Variants in RBM6 observed in about 807,000 individuals in gnomAD.
The protein encoded by RBM6 is RNA binding motif protein 6, also known as RNA-binding protein 6.
RBM6 carries 23 observed loss-of-function variants against 140.4 expected under a neutral mutation model. The observed-to-expected ratio is 0.16, with a 90% CI of 0.12 to 0.23. The LOEUF is 0.23. Among genes scored for constraint, RBM6 ranks in the 10% least tolerant of loss-of-function variants. The pLI is 1.00. For missense variants in RBM6, 1,139 were observed against 1,386.7 expected (o/e 0.82, Z 2.84); for synonymous variants, 439 against 475.6 (o/e 0.92, Z 1.00).
intron 5 of RBM6, among the ~76,000 whole-genome samples, chr3:49,991,363 G>T (rs1312270282): frequency 6.6e-6 from 1 of 152,128 alleles, no homozygotes; most frequent in South Asian, 2.1e-4. Context: ...TTAAATCATT[G>T]ACAGTGGGTG....
chr3:49,944,986 C>T (rs929351877), intron 1 of RBM6, among the ~76,000 whole-genome samples: 2 of 151,436 alleles, frequency 1.3e-5, no homozygotes, highest in African/African-American at 2.4e-5. Flanking sequence ...TTGCCATTCT[C>T]CTGCCTCAGC....
rs9866016 is a variant in RBM6 at position 50,031,580 on chromosome 3, G to T, written c.1558-16665G>T. On this transcript the variant is annotated intron_variant, in intron 6 of 20. Transcript: ENST00000266022. ...GGAACATCACACACTGGGGCCTGTC[G>T]TGGGGTGGGGGAGGGGGGAGTGATA... Among the ~76,000 whole-genome samples, 388 of 151,462 alleles carry T rather than the reference G, an allele frequency of 2.6e-3. 1 individual carries two copies. The highest frequency in any genetic ancestry group is 9.1e-3 in the African/African-American group (377 of 41,280).
Position 50,021,740 on chromosome 3 carries a change from CTTTTTTTTTTTTTTTT to C in RBM6, c.1557+22242_1557+22257del, listed in dbSNP as rs542734328. Among the ~76,000 whole-genome samples the C allele has an allele frequency of 3.7e-4, 16 of 42,754 alleles. No individual in the cohort carries two copies. In the Admixed American group the frequency reaches 5.4e-3, roughly 15 times the overall value. 28.0% of individuals were successfully genotyped at this position (42,754 alleles called of 152,430 possible). A position where few individuals can be genotyped will look rare whatever the true frequency, so the allele number is the denominator to read the frequency against. On this transcript the variant is annotated intron_variant, in intron 6 of 20. Coordinates refer to ENST00000266022, the MANE Select transcript of RBM6 (RefSeq NM_005777.3). ...ATCTCCATACTGAGGAATTTAAGTG[CTTTTTTTTTTTTTTTT>C]TTTTTTTTTTTTTTGAGACAGAGTC...
chr3:49,984,419 CA>C (rs2085451763), intron 5 of RBM6, among the ~76,000 whole-genome samples: 1 of 152,162 alleles, frequency 6.6e-6, no homozygotes, highest in African/African-American at 2.4e-5. Flanking sequence ...CCAGCCTGGT[CA>C]ATATGGCAAA....
intron 6 of RBM6, among the ~76,000 whole-genome samples, chr3:50,005,763 C>CTGGATGCTGTTATA (rs1290590330): frequency 6.6e-6 from 1 of 152,134 alleles, no homozygotes; most frequent in Non-Finnish European, 1.5e-5. Context: ...AGCATCCTAG[C>CTGGATGCTGTTATA]CAGAGCTCAA....
At chr3:49,956,328 C>CGTTTT in intron 1 of RBM6, among the ~76,000 whole-genome samples, 1 of 72,048 alleles carries the variant, frequency 1.4e-5, no homozygotes, top group South Asian at 4.6e-4. Context: ...CCCTCCCCCG[C>CGTTTT]TTTTTTTTTT....
intron 3 of RBM6, 40 bp from the exon 4 acceptor site, chr3:49,972,019 A>G (rs772417851): frequency 1.4e-6 from 2 of 1,433,770 alleles, no homozygotes; most frequent in South Asian, 1.2e-5. Context: ...TTTGTGCAGT[A>G]AAGTATATTT....
intron 7 of RBM6, among the ~76,000 whole-genome samples, chr3:50,050,060 G>A (rs562102387): frequency 7.0e-4 from 106 of 151,898 alleles, no homozygotes; most frequent in African/African-American, 2.5e-3. Context: ...GGAGTACAGT[G>A]ATGTGATCAT....
chr3:50,064,503 GTTTTA>G (rs574410240), intron 15 of RBM6, among the ~76,000 whole-genome samples: 1 of 151,800 alleles, frequency 6.6e-6, no homozygotes, highest in African/African-American at 2.4e-5. Context: ...ATATACTAAC[GTTTTA>G]TTTTATTTTA....
intron 6 of RBM6, among the ~76,000 whole-genome samples, chr3:50,007,099 ATT>A: frequency 7.1e-6 from 1 of 141,394 alleles, no homozygotes; most frequent in East Asian, 2.0e-4. Flanking sequence ...GCCTAGGAGG[ATT>A]TTTTTTTTTC....
intron 3 of RBM6, among the ~76,000 whole-genome samples, chr3:49,971,671 G>A (rs1050585723): frequency 3.3e-5 from 5 of 152,106 alleles, no homozygotes; most frequent in Admixed American, 3.3e-4. Flanking sequence ...CTGAGTAGCT[G>A]GGACCACAGG....
At chr3:49,972,278 A>G (rs2084834073) in intron 4 of RBM6, 130 bp downstream of exon 4, 1 of 696,542 alleles carries the variant, frequency 1.4e-6, no homozygotes, top group Middle Eastern at 4.0e-4. Context: ...TTTTTTTCCC[A>G]TCTTCCCTCA....
At chr3:49,977,011 A>G (rs150507917) in intron 5 of RBM6, among the ~76,000 whole-genome samples, 85 of 152,332 alleles carry the variant, frequency 5.6e-4, no homozygotes, top group African/African-American at 1.8e-3. Context: ...TATTTATATT[A>G]CATCTCTATG....
At chr3:50,075,973 CTTT>C (rs1331876971) in intron 20 of RBM6, among the ~76,000 whole-genome samples, 1 of 143,410 alleles carries the variant, frequency 7.0e-6, no homozygotes, top group African/African-American at 2.5e-5. Flanking sequence ...AGATTCTTTT[CTTT>C]TTTTTTTTTT....
At chr3:50,042,570 CA>C (rs898489036) in intron 6 of RBM6, among the ~76,000 whole-genome samples, 2 of 151,976 alleles carry the variant, frequency 1.3e-5, no homozygotes, top group East Asian at 3.9e-4. Flanking sequence ...CCCATCTCTA[CA>C]AAAAAATTTA....
intron 5 of RBM6, among the ~76,000 whole-genome samples, chr3:49,992,695 G>T (rs2085881485): frequency 6.6e-6 from 1 of 152,164 alleles, no homozygotes; most frequent in African/African-American, 2.4e-5. Flanking sequence ...TAGTGATGAT[G>T]GTCATTATAA....
chr3:50,011,839 C>CTTTTTTTT (rs201167549), intron 6 of RBM6, among the ~76,000 whole-genome samples: 19 of 143,676 alleles, frequency 1.3e-4, no homozygotes, highest in Admixed American at 2.8e-4. Flanking sequence ...TCTTTTCTTT[C>CTTTTTTTT]TTTTTTTTTT....
intron 1 of RBM6, among the ~76,000 whole-genome samples, chr3:49,961,672 G>A (rs111326672): frequency 0.011 from 1,682 of 151,874 alleles, 39 homozygotes; most frequent in African/African-American, 0.039. Flanking sequence ...GGTGACGCGT[G>A]CCTGTAGTCC....
In RBM6 at chr3:49,951,904, G is replaced by A. The variant is rs1307976485; in HGVS notation, c.-66-10672G>A. On this transcript the variant is annotated intron_variant, in intron 1 of 20. Transcript: ENST00000266022. ...CGCCTGGCTAATTTTTGTATTTTTA[G>A]TAGAGACGGGGTTTCACCACATTGG... is the stretch of plus-strand genomic sequence containing the variant. 2.0e-5 allele frequency among the ~76,000 whole-genome samples: 3 copies of A among 152,058 alleles called. No homozygotes were observed. In the East Asian group the frequency reaches 5.8e-4, roughly 29 times the overall value.
Sources: allele counts gnomAD v4.1 joint callset (sites outside exome capture counted in the v4.1 genomes callset), GRCh38; gene constraint gnomAD v4.1.1; transcripts MANE v1.5; gene names NCBI Gene and HGNC (gene_info 2026-07-23, HGNC 2026-07-21).